The following B4GALT6 variants were observed in gnomAD, a reference collection of about 807,000 sequenced individuals.
B4GALT6 encodes the protein UDP-Gal:beta-GlcNAc beta-1,4-galactosyltransferase 6.
In B4GALT6, 14 loss-of-function variants were observed where a neutral mutation model predicts 46.3. The observed-to-expected ratio is 0.30, with a 90% CI of 0.20 to 0.47. B4GALT6 has a LOEUF of 0.47. Among genes scored for constraint, B4GALT6 ranks in the 20% least tolerant of loss-of-function variants. B4GALT6 has a pLI of 0.99. For synonymous variants in B4GALT6, 168 were observed against 162.0 expected (o/e 1.04, Z -0.28); for missense variants, 386 against 480.1 (o/e 0.80, Z 1.83).
chr18:31,675,813 A>G (rs541302392), intron 1 of B4GALT6, among the ~76,000 whole-genome samples: 1 of 152,340 alleles, frequency 6.6e-6, no homozygotes, highest in Non-Finnish European at 1.5e-5. Context: ...AAAATTAGTG[A>G]TGTCAGAGTA....
rs555628016 is a variant in B4GALT6 at position 31,682,778 on chromosome 18, C to T, written c.115+1534G>A. ...GTTAAATTCCTAGTAAAAAAACATA[C>T]CCCAAAGATGTCCAAACTTTTAAAG... is the stretch of plus-strand genomic sequence containing the variant. On this transcript the variant is annotated intron_variant, in intron 1 of 8. Transcript: ENST00000306851. Among the ~76,000 whole-genome samples the T allele has an allele frequency of 6.6e-5, 10 of 152,152 alleles. No individual in the cohort carries two copies. The South Asian group carries it at 1.9e-3, about 28-fold the overall frequency.
intron 2 of B4GALT6, among the ~76,000 whole-genome samples, chr18:31,658,899 G>A (rs1416146945): frequency 6.6e-6 from 1 of 152,196 alleles, no homozygotes; most frequent in Non-Finnish European, 1.5e-5. Flanking sequence ...GATTAGAGAT[G>A]AGCACCTGAC....
intron 5 of B4GALT6, among the ~76,000 whole-genome samples, chr18:31,638,193 T>C (rs569115372): frequency 6.6e-6 from 1 of 152,128 alleles, no homozygotes; most frequent in South Asian, 2.1e-4. Context: ...ATAAAAGAAA[T>C]ATATGGGCCC....
chr18:31,652,817 C>T (rs543080207), intron 3 of B4GALT6, among the ~76,000 whole-genome samples: 4 of 152,260 alleles, frequency 2.6e-5, no homozygotes, highest in African/African-American at 9.6e-5. Context: ...TTGGCACTTG[C>T]CCTTGTTGTT....
chr18:31,652,809 G>A (rs1168396026), intron 3 of B4GALT6, among the ~76,000 whole-genome samples: 1 of 152,104 alleles, frequency 6.6e-6, no homozygotes, highest in Non-Finnish European at 1.5e-5. Context: ...CCACAGCCTT[G>A]GCACTTGCCC....
chr18:31,723,555 A>G, the B4GALT6 span, among the ~76,000 whole-genome samples: 2 of 148,202 alleles, frequency 1.3e-5, no homozygotes, highest in African/African-American at 5.2e-5. Context: ...GCAAAGAGCT[A>G]TTCACTAGGA....
rs1188667773 is a variant in B4GALT6 at position 31,674,853 on chromosome 18, T to TA, written c.116-8482dup. 1.1e-3 allele frequency among the ~76,000 whole-genome samples: 155 copies of TA among 146,754 alleles called. 1 individual carries two copies. The highest frequency in any genetic ancestry group is 0.01 in the East Asian group (52 of 5,082). On this transcript the variant is annotated intron_variant, in intron 1 of 8. Transcript: ENST00000306851. Reference sequence around the variant, plus strand: ...AATGTCAAGGATGTGCCAGGCTGTTTAAAAAAAAAAAAATTCTTTTATGTC... The same window carrying TA: ...AATGTCAAGGATGTGCCAGGCTGTTTAAAAAAAAAAAAAATTCTTTTATGTC...
At chr18:31,702,330 G>T in the B4GALT6 span, among the ~76,000 whole-genome samples, 2 of 152,138 alleles carry the variant, frequency 1.3e-5, no homozygotes, top group Non-Finnish European at 2.9e-5. Context: ...ACAAGCACAG[G>T]GATCTATGTT....
chr18:31,633,298 C>T (rs2073814171), intron 5 of B4GALT6, among the ~76,000 whole-genome samples: 1 of 152,016 alleles, frequency 6.6e-6, no homozygotes, highest in Non-Finnish European at 1.5e-5. Flanking sequence ...AACACACCAG[C>T]GATAAAGTTG....
At chr18:31,651,475 T>C (rs2074066684) in intron 3 of B4GALT6, among the ~76,000 whole-genome samples, 1 of 152,128 alleles carries the variant, frequency 6.6e-6, no homozygotes, top group African/African-American at 2.4e-5. Context: ...TTTCATTCCC[T>C]ATGACAACTT....
intron 3 of B4GALT6, among the ~76,000 whole-genome samples, chr18:31,646,326 A>G (rs1435275610): frequency 6.6e-6 from 1 of 152,248 alleles, no homozygotes; most frequent in Non-Finnish European, 1.5e-5. Context: ...TGAAACAGGA[A>G]TGAATCTTGA....
At chr18:31,702,793 TGA>T in the B4GALT6 span, among the ~76,000 whole-genome samples, 3 of 152,136 alleles carry the variant, frequency 2.0e-5, no homozygotes. Context: ...TCTTCCAACA[TGA>T]AGCCCAAGGT....
At chr18:31,707,518 A>G in the B4GALT6 span, among the ~76,000 whole-genome samples, 1 of 152,192 alleles carries the variant, frequency 6.6e-6, no homozygotes, top group African/African-American at 2.4e-5. Context: ...GAAGAGGTTA[A>G]TTTACAAGGT....
upstream of B4GALT6, chr18:31,684,725 G>A (rs903809152): frequency 2.7e-6 from 3 of 1,129,788 alleles, no homozygotes; most frequent in African/African-American, 1.6e-5. Flanking sequence ...GAAAGCCGGG[G>A]AAGGGCGAGG....
In B4GALT6 at chr18:31,623,725, T is replaced by C. The variant is rs574555878; in HGVS notation, c.*1889A>G. On this transcript the variant is annotated 3_prime_UTR_variant, in exon 9 of 9. Transcript: ENST00000306851. Reference sequence around the variant, plus strand: ...CTAAGAAATAAATATGAAAATATTTTGTTTGGTATCATAACACAGAAGCTA... The same window carrying C: ...CTAAGAAATAAATATGAAAATATTTCGTTTGGTATCATAACACAGAAGCTA... 3.2e-4 allele frequency: 49 copies of C among 152,052 alleles called. No homozygotes were observed. Among genetic ancestry groups the C allele is most frequent in the Non-Finnish European group, 5.9e-4 (40 of 67,848 alleles). 9.4% of individuals were successfully genotyped at this position (152,052 alleles called of 1,614,324 possible).
At chr18:31,690,140 G>A (rs1210346618), upstream of B4GALT6, among the ~76,000 whole-genome samples, 2 of 152,058 alleles carry the variant, frequency 1.3e-5, no homozygotes, top group Non-Finnish European at 2.9e-5. Flanking sequence ...TTGTTTGTCT[G>A]TTTTATTGAG....
chr18:31,637,550 T>C (rs1267964767), intron 5 of B4GALT6, among the ~76,000 whole-genome samples: 4 of 152,188 alleles, frequency 2.6e-5, no homozygotes, highest in African/African-American at 4.8e-5. Context: ...AAATGTTTAA[T>C]GTATACTACT....
At chr18:31,685,493 C>G (rs943371181), upstream of B4GALT6, among the ~76,000 whole-genome samples, 3 of 151,544 alleles carry the variant, frequency 2.0e-5, no homozygotes, top group Non-Finnish European at 2.9e-5. Context: ...CGCCGGGCCC[C>G]GAGGAAACCT....
the B4GALT6 span, among the ~76,000 whole-genome samples, chr18:31,714,158 A>G: frequency 6.6e-6 from 1 of 152,256 alleles, no homozygotes; most frequent in African/African-American, 2.4e-5. Context: ...AAAATTAAAA[A>G]TTCAATTCTT....
Sources: allele counts gnomAD v4.1 joint callset (sites outside exome capture counted in the v4.1 genomes callset), GRCh38; gene constraint gnomAD v4.1.1; transcripts MANE v1.5; gene names NCBI Gene and HGNC (gene_info 2026-07-23, HGNC 2026-07-21).